The following GCC2 variants were observed in gnomAD, a reference collection of about 807,000 sequenced individuals.
The protein encoded by GCC2 is GRIP and coiled-coil domain-containing protein 2.
Under a neutral mutation model 210.6 loss-of-function variants are expected in GCC2, and 120 were observed. The observed-to-expected ratio is 0.57, with a 90% confidence interval of 0.49 to 0.66. The LOEUF (loss-of-function observed/expected upper bound fraction) is 0.66. Ranked by LOEUF, GCC2 falls within the 30% of genes least tolerant of loss-of-function variation. GCC2 has a pLI of 0.00. For missense variants in GCC2, 1,868 were observed against 1,871.9 expected (o/e 1.00, Z 0.04); for synonymous variants, 703 against 652.7 (o/e 1.08, Z -1.17).
In GCC2 at chr2:108,482,389, G is replaced by A; in HGVS notation, c.3283G>A (p.Ala1095Thr). ...LEVQILEVQRAKAMVDKELEA... is the reference protein window; with the variant it reads ...LEVQILEVQRTKAMVDKELEA... ...AGTACAGATTTTAGAAGTCCAGAGAGCCAAAGCAATGGTAGACAAAGAATT... is the reference window on the plus strand; with the variant it reads ...AGTACAGATTTTAGAAGTCCAGAGAACCAAAGCAATGGTAGACAAAGAATT... The change falls in exon 11 of 23, where the codon GCC (alanine) becomes ACC (threonine). Residue 1095 changes from alanine to threonine, a missense_variant. Transcript: ENST00000309863. 6.3e-7 allele frequency: 1 copy of A among 1,588,664 alleles called. No homozygotes were observed. The highest frequency in any genetic ancestry group is 8.6e-7 in the Non-Finnish European group (1 of 1,157,446).
intron 4 of GCC2, among the ~76,000 whole-genome samples, chr2:108,458,524 T>A (rs1023216593): frequency 6.6e-6 from 1 of 152,068 alleles, no homozygotes; most frequent in South Asian, 2.1e-4. Context: ...ATACATTTGG[T>A]AGAATTCAGT....
chr2:108,499,942 A>G (rs1682835652), intron 22 of GCC2, among the ~76,000 whole-genome samples, 188 bp downstream of exon 22: 2 of 152,230 alleles, frequency 1.3e-5, no homozygotes, highest in Non-Finnish European at 2.9e-5. Flanking sequence ...TAGTACATTT[A>G]TATAATTTTA....
chr2:108,466,330 C>G (rs1005480998), intron 4 of GCC2, among the ~76,000 whole-genome samples: 10 of 152,030 alleles, frequency 6.6e-5, no homozygotes, highest in Admixed American at 2.0e-4. Context: ...CATCAGCCAC[C>G]ACACCCGGCC....
At position 108,470,788 on chromosome 2, in the gene GCC2, A is replaced by G; in HGVS notation, c.1459A>G (p.Met487Val). ...ILNYESLREI[M>V]EILQTELGES... ...AAATTATGAGAGTTTACGAGAGATT[A>G]TGGAAATTTTACAAACAGAACTGGG... Residue 487 changes from methionine (M) to valine (V), a missense_variant, in exon 6 of 23, where the codon ATG (methionine) becomes GTG (valine). Coordinates refer to ENST00000309863, the MANE Select transcript of GCC2 (RefSeq NM_181453.4). The G allele has an allele frequency of 6.2e-7, 1 of 1,613,852 alleles. No individual in the cohort carries two copies. Among genetic ancestry groups the G allele is most frequent in the Non-Finnish European group, 8.5e-7 (1 of 1,179,874 alleles).
intron 21 of GCC2, among the ~76,000 whole-genome samples, chr2:108,497,827 C>T (rs3902174): frequency 5.9e-5 from 9 of 152,132 alleles, no homozygotes; most frequent in African/African-American, 1.9e-4. Context: ...GCCCTGGGCT[C>T]TACATACGTT....
intron 12 of GCC2, 80 bp from the exon 13 acceptor site, chr2:108,484,069 G>C: frequency 1.2e-6 from 1 of 808,550 alleles, no homozygotes; most frequent in Non-Finnish European, 1.9e-6. Context: ...CATCATTTTA[G>C]CAATTTTACA....
chr2:108,504,688 T>G (rs545333874), intron 22 of GCC2, among the ~76,000 whole-genome samples: 72 of 152,356 alleles, frequency 4.7e-4, no homozygotes, highest in African/African-American at 1.7e-3. Flanking sequence ...CCCAAATAAG[T>G]TAGCCATATA....
At chr2:108,501,715 ACT>A (rs748545143) in intron 22 of GCC2, among the ~76,000 whole-genome samples, 11 of 151,930 alleles carry the variant, frequency 7.2e-5, no homozygotes, top group Admixed American at 5.2e-4. Flanking sequence ...CTGACCCAAG[ACT>A]CTGCATTTTT....
At position 108,471,986 on chromosome 2, in the gene GCC2, C is replaced by G. The variant is rs1385964891; in HGVS notation, c.2657C>G (p.Ser886Cys). 1 of 1,603,410 alleles carries G rather than the reference C, an allele frequency of 6.2e-7. No individual in the cohort carries two copies. The highest frequency in any genetic ancestry group is 8.5e-7 in the Non-Finnish European group (1 of 1,176,934). The change falls in exon 6 of 23, where the codon TCT (serine) becomes TGT (cysteine). Residue 886 changes from serine (S) to cysteine (C), a missense_variant. By Grantham distance (112) the Ser-to-Cys change is moderately radical. This residue lies in a region of GCC2 where 1,847 missense variants were observed against 1,765.2 expected (regional missense o/e 1.05). Coordinates refer to ENST00000309863, the MANE Select transcript of GCC2 (RefSeq NM_181453.4). ...QNLLIQVEEVSQTCSKSEIHN... is the reference protein window; with the variant it reads ...QNLLIQVEEVCQTCSKSEIHN... ...CTTTTAATTCAAGTTGAAGAAGTAT[C>G]TCAAACATGTAGCAAAAGTGAAATC...
intron 9 of GCC2, among the ~76,000 whole-genome samples, chr2:108,477,379 C>T (rs916742921): frequency 1.3e-5 from 2 of 152,136 alleles, no homozygotes; most frequent in Non-Finnish European, 2.9e-5. Context: ...AGTATATTAG[C>T]ATCAACACTT....
At position 108,486,545 on chromosome 2, in the gene GCC2, A is replaced by T; in HGVS notation, c.3827A>T (p.Lys1276Ile). ...GCTGAAATAACATCAGAGAAGCACA[A>T]AATCCACGAGCACCTGAAAACCTCT... ...QLAEITSEKH[K>I]IHEHLKTSAE... The change falls in exon 16 of 23, where the codon AAA (lysine) becomes ATA (isoleucine). Residue 1276 changes from lysine (K) to isoleucine (I), a missense_variant. Physicochemically the swap from Lys to Ile is moderately radical, Grantham distance 102. Coordinates refer to ENST00000309863, the MANE Select transcript of GCC2 (RefSeq NM_181453.4). 1 of 1,614,154 alleles carries T rather than the reference A, an allele frequency of 6.2e-7. No individual in the cohort carries two copies. The highest frequency in any genetic ancestry group is 2.2e-5 in the East Asian group (1 of 44,874).
rs2104446494 is a variant in GCC2 at position 108,469,729 on chromosome 2, T to A, written c.400T>A (p.Leu134Met). Residue 134 changes from leucine (L) to methionine (M), a missense_variant, in exon 6 of 23, where the codon TTG (leucine) becomes ATG (methionine). Coordinates refer to ENST00000309863, the MANE Select transcript of GCC2 (RefSeq NM_181453.4). ...AAACTATGTGAAAGAAATTGAAAAT[T>A]TGAAAAATGAGTTGATGGCAGTACG... The part of the protein sequence containing the change: ...HINYVKEIEN[L>M]KNELMAVRSK... 6.2e-7 allele frequency: 1 copy of A among 1,613,096 alleles called. No individual in the cohort carries two copies. The highest frequency in any genetic ancestry group is 2.2e-5 in the East Asian group (1 of 44,818).
intron 7 of GCC2, 195 bp from the exon 8 acceptor site, chr2:108,475,340 G>A: frequency 2.6e-6 from 1 of 387,876 alleles, no homozygotes; most frequent in Non-Finnish European, 4.6e-6. Context: ...TAAAGACAAT[G>A]GAAACTTTTT....
intron 4 of GCC2, 41 bp from the exon 5 acceptor site, chr2:108,468,939 C>A (rs776114538): frequency 9.2e-6 from 12 of 1,299,430 alleles, no homozygotes; most frequent in Admixed American, 1.7e-5. Context: ...GTCAATCCAC[C>A]ATTTTTTAAC....
chr2:108,498,540 T>C (rs1293024256), intron 21 of GCC2, among the ~76,000 whole-genome samples: 4 of 151,978 alleles, frequency 2.6e-5, no homozygotes, highest in Non-Finnish European at 5.9e-5. Flanking sequence ...GATTTCTTAG[T>C]CTTCTTTATT....
intron 21 of GCC2, among the ~76,000 whole-genome samples, chr2:108,499,312 G>C (rs1229041477): frequency 6.6e-6 from 1 of 151,918 alleles, no homozygotes; most frequent in Non-Finnish European, 1.5e-5. Context: ...ATGCAGCTTT[G>C]AAACTATCTC....
chr2:108,486,376 C>T (rs775082891), intron 15 of GCC2, 135 bp from the exon 16 acceptor site: 2 of 807,860 alleles, frequency 2.5e-6, no homozygotes, highest in Admixed American at 2.1e-5. Context: ...AATAATAATA[C>T]ATAAAAATAT....
In GCC2 at chr2:108,489,950, C is replaced by T; in HGVS notation, c.4165C>T (p.Leu1389=). 6.2e-7 allele frequency: 1 copy of T among 1,612,016 alleles called. No homozygotes were observed. The highest frequency in any genetic ancestry group is 8.5e-7 in the Non-Finnish European group (1 of 1,179,240). ...AACATTGCAGTCTGAACATGATACA[C>T]TGCTAGAAAGGCACAACAAGATGCT... ...LQTLQSEHDT[L]LERHNKMLQE... The change falls in exon 18 of 23, where the codon CTG becomes TTG. Residue 1389 remains leucine (L), a synonymous_variant. Transcript: ENST00000309863.
chr2:108,494,726 C>G (rs1262532950), intron 19 of GCC2: 2 of 152,294 alleles, frequency 1.3e-5, no homozygotes, highest in Non-Finnish European at 2.9e-5. Flanking sequence ...GCTGTGTTAT[C>G]TAACAGTTTA....
Sources: gnomAD v4.1 joint callset for allele counts (sites outside exome capture counted in the v4.1 genomes callset) on GRCh38, gnomAD v4.1.1 for gene constraint, gnomAD v4.1.1 regional missense constraint, MANE v1.5 for transcripts, NCBI Gene and HGNC (gene_info 2026-07-23, HGNC 2026-07-21) for gene names.